The following FRMD4B variants were observed in gnomAD, a reference collection of about 807,000 sequenced individuals.
FRMD4B encodes FERM domain containing 4B.
Under a neutral mutation model 141.5 loss-of-function variants are expected in FRMD4B, and 74 were observed. The observed-to-expected ratio is 0.52, with a 90% CI of 0.43 to 0.63. The LOEUF (loss-of-function observed/expected upper bound fraction) is 0.63. FRMD4B is among the 30% of genes least tolerant of loss of function. FRMD4B has a pLI of 0.00. For missense variants in FRMD4B, 1,366 were observed against 1,253.4 expected, an observed-to-expected ratio of 1.09 and a Z score of -1.36; for synonymous variants, 506 against 467.9, an observed-to-expected ratio of 1.08 and a Z score of -1.05.
At chr3:69,233,096 A>C (rs778936429) in intron 7 of FRMD4B, among the ~76,000 whole-genome samples, 18 of 151,792 alleles carry the variant, frequency 1.2e-4, no homozygotes, top group Admixed American at 3.3e-4. Flanking sequence ...CCTTACCTGA[A>C]ACCCAAACCA....
rs1553715921 is a variant in FRMD4B at position 69,281,838 on chromosome 3, A to AAAAAT, written c.501+5913_501+5914insATTTT. On this transcript the variant is annotated intron_variant, in intron 5 of 22. Transcript: ENST00000398540. Reference sequence around the variant, plus strand: ...GACTCCGTCTCAAAAAAAAAAAAAAAATATATATATATATTTTTGCTTACA... The same window carrying AAAAAT: ...GACTCCGTCTCAAAAAAAAAAAAAAAAAAATATATATATATATATTTTTGCTTACA... Among the ~76,000 whole-genome samples, 248 of 128,214 alleles carry AAAAAT rather than the reference A, an allele frequency of 1.9e-3. 1 individual carries two copies. Among genetic ancestry groups the AAAAAT allele is most frequent in the African/African-American group, 5.2e-3 (182 of 34,778 alleles). 84.1% of individuals were successfully genotyped at this position (128,214 alleles called of 152,430 possible).
At chr3:69,232,738 G>C (rs1447676200) in intron 7 of FRMD4B, among the ~76,000 whole-genome samples, 4 of 152,070 alleles carry the variant, frequency 2.6e-5, no homozygotes, top group Non-Finnish European at 5.9e-5. Context: ...CCTGCTATCA[G>C]AGACTGGCGT....
intron 1 of FRMD4B, among the ~76,000 whole-genome samples, chr3:69,433,518 C>A (rs985120108): frequency 6.6e-6 from 1 of 152,194 alleles, no homozygotes; most frequent in Non-Finnish European, 1.5e-5. Context: ...TTGGCACCTC[C>A]CCACACCACC....
chr3:69,484,900 G>A (rs1391779), intron 1 of FRMD4B, among the ~76,000 whole-genome samples: 36,159 of 152,016 alleles, frequency 0.24, 4,785 homozygotes, highest in East Asian at 0.42. Flanking sequence ...AGCACCATGA[G>A]TTCTCCCTCC....
chr3:69,175,937 T>G (rs746439432), intron 22 of FRMD4B, among the ~76,000 whole-genome samples: 1 of 151,914 alleles, frequency 6.6e-6, no homozygotes, highest in African/African-American at 2.4e-5. Flanking sequence ...CCCGCCACCA[T>G]GCCCAACTAA....
At chr3:69,540,222 T>C (rs531646903) in intron 1 of FRMD4B, among the ~76,000 whole-genome samples, 2 of 151,892 alleles carry the variant, frequency 1.3e-5, no homozygotes, top group East Asian at 3.9e-4. Context: ...CACCAATACA[T>C]CCACCACCTG....
At chr3:69,430,465 T>C (rs551762269) in intron 2 of FRMD4B, among the ~76,000 whole-genome samples, 43 of 152,320 alleles carry the variant, frequency 2.8e-4, no homozygotes, top group African/African-American at 9.9e-4. Context: ...CCTCTAGCAC[T>C]GTTGTAAAGA....
intron 1 of FRMD4B, among the ~76,000 whole-genome samples, chr3:69,444,126 C>T (rs1015130024): frequency 6.6e-6 from 1 of 152,170 alleles, no homozygotes; most frequent in Non-Finnish European, 1.5e-5. Flanking sequence ...CAGCATTCCC[C>T]ATTCCCTAGC....
intron 17 of FRMD4B, among the ~76,000 whole-genome samples, chr3:69,191,144 C>T (rs1252457707): frequency 1.3e-5 from 2 of 152,166 alleles, no homozygotes; most frequent in Non-Finnish European, 2.9e-5. Context: ...TGTGGCCAGG[C>T]ACACTGCCTC....
intron 1 of FRMD4B, among the ~76,000 whole-genome samples, chr3:69,486,978 T>C (rs1228923107): frequency 2.0e-5 from 3 of 152,178 alleles, no homozygotes; most frequent in Admixed American, 1.3e-4. Context: ...CTATATTCCT[T>C]AAAAGATAAA....
At chr3:69,174,829 T>C (rs538065605) in intron 22 of FRMD4B, among the ~76,000 whole-genome samples, 3 of 152,276 alleles carry the variant, frequency 2.0e-5, no homozygotes, top group Admixed American at 1.3e-4. Context: ...ACGAAAATAA[T>C]TTGCAAATAT....
intron 1 of FRMD4B, among the ~76,000 whole-genome samples, chr3:69,478,511 G>A (rs1315812216): frequency 8.5e-5 from 13 of 152,140 alleles, no homozygotes; most frequent in South Asian, 6.2e-4. Context: ...GTAGTTGAGC[G>A]GTTTTGAGTG....
At chr3:69,255,905 A>T (rs779464373) in intron 5 of FRMD4B, among the ~76,000 whole-genome samples, 2 of 152,162 alleles carry the variant, frequency 1.3e-5, no homozygotes, top group Non-Finnish European at 2.9e-5. Flanking sequence ...GCAGAGTCAG[A>T]CTTCAAAGCT....
At chr3:69,497,132 T>A (rs1412558914) in intron 1 of FRMD4B, among the ~76,000 whole-genome samples, 1 of 152,148 alleles carries the variant, frequency 6.6e-6, no homozygotes, top group African/African-American at 2.4e-5. Context: ...CATACTTCCT[T>A]TTTTGTTTTC....
intron 3 of FRMD4B, among the ~76,000 whole-genome samples, chr3:69,309,085 T>C (rs1031695039): frequency 1.3e-5 from 2 of 152,188 alleles, no homozygotes; most frequent in South Asian, 4.1e-4. Flanking sequence ...CCTCGTGATA[T>C]AGAACAACAC....
Position 69,385,944 on chromosome 3 carries a change from C to A in FRMD4B, c.46G>T (p.Gly16Cys). The A allele has an allele frequency of 6.2e-7, 1 of 1,605,200 alleles. No individual in the cohort carries two copies. Among genetic ancestry groups the A allele is most frequent in the South Asian group, 1.1e-5 (1 of 88,948 alleles). The change falls in exon 1 of 23, where the codon GGC (glycine) becomes TGC (cysteine). Residue 16 changes from glycine to cysteine, a missense_variant. Gly to Cys is a radical substitution (Grantham distance 159, BLOSUM62 -3). Coordinates refer to ENST00000398540, the MANE Select transcript of FRMD4B (RefSeq NM_015123.3). ...MCGVEDLLFS[G>C]SRFVWNLTVS... Reference sequence around the variant, plus strand: ...GTCAAGTTCCATACGAAGCGGCTGCCGCTGAACAGCAGGTCCTCCACGCCA... The same window carrying A: ...GTCAAGTTCCATACGAAGCGGCTGCAGCTGAACAGCAGGTCCTCCACGCCA...
At chr3:69,249,364 T>C in intron 6 of FRMD4B, 116 bp from the exon 7 acceptor site, 1 of 671,452 alleles carries the variant, frequency 1.5e-6, no homozygotes, top group African/African-American at 1.8e-5. Flanking sequence ...TGAAGAGTGT[T>C]TCTCAGGAAT....
chr3:69,359,129 G>A (rs984326691), intron 1 of FRMD4B, among the ~76,000 whole-genome samples: 8 of 152,134 alleles, frequency 5.3e-5, no homozygotes, highest in Non-Finnish European at 1.0e-4. Context: ...GAGCAGGAGA[G>A]GTATCCAGAG....
At chr3:69,480,512 C>T (rs541768934) in intron 1 of FRMD4B, among the ~76,000 whole-genome samples, 1 of 152,272 alleles carries the variant, frequency 6.6e-6, no homozygotes, top group South Asian at 2.1e-4. Flanking sequence ...GTGGTGGCTG[C>T]AGAACAGCGG....
Sources: gnomAD v4.1 joint callset for allele counts (sites outside exome capture counted in the v4.1 genomes callset) on GRCh38, gnomAD v4.1.1 for gene constraint, MANE v1.5 for transcripts, NCBI Gene and HGNC (gene_info 2026-07-23, HGNC 2026-07-21) for gene names.